The following ASCC1 variants were observed in gnomAD, a reference collection of about 807,000 sequenced individuals.
ASCC1 encodes ASC-1 complex subunit P50.
ASCC1 carries 35 observed loss-of-function variants against 46.6 expected under a neutral mutation model. The ratio of observed to expected loss-of-function variants is 0.75; its 90% CI spans 0.57 to 0.99. The LOEUF is 0.99. Ranked by LOEUF, ASCC1 falls within the 50% of genes least tolerant of loss-of-function variation. The probability of loss-of-function intolerance (pLI) is 0.00; values close to 1 mark genes in which losing one functional copy is unlikely to be tolerated. For synonymous variants in ASCC1, 143 were observed against 146.6 expected, an observed-to-expected ratio of 0.98 and a Z score of 0.18; for missense variants, 376 against 428.7, an observed-to-expected ratio of 0.88 and a Z score of 1.09.
At chr10:72,156,067 T>C (rs1253028142) in intron 6 of ASCC1, among the ~76,000 whole-genome samples, 2 of 152,242 alleles carry the variant, frequency 1.3e-5, no homozygotes, top group African/African-American at 4.8e-5. Context: ...ATCCCTAATG[T>C]TGGAGGTGGG....
intron 5 of ASCC1, among the ~76,000 whole-genome samples, chr10:72,187,719 CA>C (rs761851091): frequency 4.5e-3 from 160 of 35,218 alleles, no homozygotes; most frequent in Middle Eastern, 0.015. Flanking sequence ...GAATCCGTCT[CA>C]AAAAAAAAAA....
At chr10:72,189,244 CA>C (rs759800868) in intron 5 of ASCC1, among the ~76,000 whole-genome samples, 2,584 of 131,190 alleles carry the variant, frequency 0.02, 22 homozygotes, top group Middle Eastern at 0.031. Flanking sequence ...ACTAAAAATA[CA>C]AAAAAAAAAA....
At chr10:72,126,471 G>T (rs1037750568) in intron 9 of ASCC1, among the ~76,000 whole-genome samples, 3 of 152,182 alleles carry the variant, frequency 2.0e-5, no homozygotes, top group Admixed American at 6.5e-5. Flanking sequence ...CAGAATGAGA[G>T]AAATTCTATA....
At chr10:72,110,392 T>A (rs1431185254) in intron 9 of ASCC1, among the ~76,000 whole-genome samples, 1 of 152,210 alleles carries the variant, frequency 6.6e-6, no homozygotes, top group Non-Finnish European at 1.5e-5. Context: ...CTGACTATTG[T>A]GCCAAGGCAA....
At chr10:72,205,630 CA>C (rs35572254) in intron 3 of ASCC1, among the ~76,000 whole-genome samples, 58,303 of 116,634 alleles carry the variant, frequency 0.5, 13,268 homozygotes, top group Middle Eastern at 0.55. Flanking sequence ...AACTCCATCT[CA>C]AAAAAAAAAA....
intron 9 of ASCC1, among the ~76,000 whole-genome samples, chr10:72,108,976 T>TG (rs1725919849): frequency 6.6e-6 from 1 of 152,110 alleles, no homozygotes; most frequent in South Asian, 2.1e-4. Flanking sequence ...TAAAAGACAA[T>TG]GAGGGTGGCA....
At chr10:72,144,349 T>C (rs1423919130) in intron 7 of ASCC1, among the ~76,000 whole-genome samples, 1 of 152,220 alleles carries the variant, frequency 6.6e-6, no homozygotes, top group African/African-American at 2.4e-5. Flanking sequence ...TTGCCTCATA[T>C]ATCTTTTTCC....
chr10:72,163,462 C>T (rs12258729), intron 5 of ASCC1, among the ~76,000 whole-genome samples: 19,993 of 151,974 alleles, frequency 0.13, 4,163 homozygotes, highest in African/African-American at 0.44. Context: ...TGGCTGGCCG[C>T]GGTGGCTCAT....
intron 3 of ASCC1, among the ~76,000 whole-genome samples, chr10:72,208,903 C>T (rs1460060935): frequency 6.6e-6 from 1 of 152,136 alleles, no homozygotes; most frequent in Non-Finnish European, 1.5e-5. Flanking sequence ...ATTTAACACA[C>T]TTGTAATGCC....
intron 9 of ASCC1, among the ~76,000 whole-genome samples, chr10:72,101,734 G>C (rs1841786128): frequency 6.6e-6 from 1 of 152,010 alleles, no homozygotes; most frequent in South Asian, 2.1e-4. Context: ...GATTAACCTG[G>C]GTATGATGTA....
chr10:72,150,832 G>A (rs1490797781), intron 7 of ASCC1, among the ~76,000 whole-genome samples: 1 of 152,092 alleles, frequency 6.6e-6, no homozygotes, highest in African/African-American at 2.4e-5. Flanking sequence ...GCAGCCAACA[G>A]ACACATGAAA....
intron 5 of ASCC1, among the ~76,000 whole-genome samples, chr10:72,176,756 C>T (rs926094861): frequency 1.4e-4 from 21 of 152,128 alleles, no homozygotes; most frequent in Admixed American, 1.4e-3. Context: ...CTACCTCTTC[C>T]TTACTCTACC....
chr10:72,146,823 T>A (rs1188333830), intron 7 of ASCC1, among the ~76,000 whole-genome samples: 1 of 152,090 alleles, frequency 6.6e-6, no homozygotes, highest in Non-Finnish European at 1.5e-5. Flanking sequence ...AAGGGAATCT[T>A]TGATTTAAAA....
chr10:72,204,727 G>A (rs188041593), intron 3 of ASCC1, among the ~76,000 whole-genome samples: 24 of 152,330 alleles, frequency 1.6e-4, no homozygotes, highest in African/African-American at 5.1e-4. Flanking sequence ...TAGTAAGCCA[G>A]TTTTTAAAAA....
intron 5 of ASCC1, among the ~76,000 whole-genome samples, chr10:72,192,296 A>T (rs1854633161): frequency 1.3e-5 from 2 of 151,982 alleles, no homozygotes; most frequent in South Asian, 4.1e-4. Context: ...TCCACTAAAG[A>T]TACAAAAAAT....
intron 9 of ASCC1, among the ~76,000 whole-genome samples, chr10:72,106,850 A>C (rs1456798940): frequency 1.3e-5 from 2 of 152,212 alleles, no homozygotes; most frequent in African/African-American, 2.4e-5. Context: ...AGTTCCTGGG[A>C]TGAGGCCTAG....
chr10:72,160,845 A>T (rs1029122970), intron 6 of ASCC1, among the ~76,000 whole-genome samples: 2 of 150,750 alleles, frequency 1.3e-5, no homozygotes, highest in Admixed American at 1.3e-4. Flanking sequence ...GCACTTTGGG[A>T]GGCCAAGGCG....
intron 5 of ASCC1, among the ~76,000 whole-genome samples, chr10:72,168,214 A>T (rs906907582): frequency 3.3e-5 from 5 of 152,032 alleles, no homozygotes; most frequent in African/African-American, 9.7e-5. Context: ...AATAAATAAA[A>T]TAAAATACTT....
rs112631548 is a variant in ASCC1, at chr10:72,210,723, A to G, written c.212+9T>C. On this transcript the variant is annotated intron_variant, in intron 3 of 9. Transcript: ENST00000672957. Reference sequence around the variant, plus strand: ...GTCTTCCCATGAAACTGTTGGGGACATGACTCACTTATAGAGCAAGCTGGG... The same window carrying G: ...GTCTTCCCATGAAACTGTTGGGGACGTGACTCACTTATAGAGCAAGCTGGG... 2.1e-5 allele frequency: 34 copies of G among 1,613,244 alleles called. 3 individuals carry two copies. The highest frequency in any genetic ancestry group is 8.0e-5 in the African/African-American group (6 of 75,026).
Sources: allele counts gnomAD v4.1 joint callset (sites outside exome capture counted in the v4.1 genomes callset), GRCh38; gene constraint gnomAD v4.1.1; transcripts MANE v1.5; gene names NCBI Gene and HGNC (gene_info 2026-07-23, HGNC 2026-07-21).